Variants in LTA4H observed in about 807,000 individuals in gnomAD.
The protein encoded by LTA4H is leukotriene A-4 hydrolase.
A neutral mutation model predicts 89.8 loss-of-function variants in LTA4H; 59 were observed. That is an observed-to-expected ratio of 0.66 (90% CI 0.53 to 0.82). The LOEUF (loss-of-function observed/expected upper bound fraction) is 0.82, where lower values mean the gene tolerates loss of function less well. Among genes scored for constraint, LTA4H ranks in the 40% least tolerant of loss-of-function variants. The pLI is 0.00. For synonymous variants in LTA4H, 227 were observed against 253.1 expected, an observed-to-expected ratio of 0.90 and a Z score of 0.98; for missense variants, 617 against 727.0, an observed-to-expected ratio of 0.85 and a Z score of 1.74.
intron 1 of LTA4H, among the ~76,000 whole-genome samples, chr12:96,034,928 G>C (rs1005705942): frequency 2.6e-5 from 4 of 152,248 alleles, no homozygotes; most frequent in African/African-American, 9.7e-5. Flanking sequence ...GCCTGAAGAA[G>C]GGGGTTCTGG....
chr12:96,021,697 A>T (rs1592889200), intron 5 of LTA4H, among the ~76,000 whole-genome samples: 2 of 145,104 alleles, frequency 1.4e-5, no homozygotes, highest in South Asian at 4.3e-4. Context: ...ACACACACAC[A>T]CACACTCACG....
At position 96,009,160 on chromosome 12, in the gene LTA4H, A is replaced by G. The variant is rs537589900; in HGVS notation, c.1380-12T>C. On this transcript the variant is annotated splice_polypyrimidine_tract_variant and intron_variant, in intron 14 of 18. Coordinates refer to ENST00000228740, the MANE Select transcript of LTA4H (RefSeq NM_000895.3). The stretch of plus-strand genomic sequence containing the variant: ...GAGTCATATCATAACTGCAAAGATA[A>G]AGATTACATTGTTTAAAAATGCACG... The G allele has an allele frequency of 6.3e-6, 10 of 1,585,530 alleles. No individual in the cohort carries two copies. In the South Asian group the frequency reaches 1.0e-4, roughly 16 times the overall value.
chr12:96,025,668 AC>A (rs1039995895), intron 3 of LTA4H, among the ~76,000 whole-genome samples: 1 of 152,004 alleles, frequency 6.6e-6, no homozygotes, highest in African/African-American at 2.4e-5. Context: ...TTACCTCTAC[AC>A]AAAAAAAATT....
At chr12:96,013,046 G>T in intron 14 of LTA4H, 142 bp downstream of exon 14, 3 of 602,932 alleles carry the variant, frequency 5.0e-6, no homozygotes, top group South Asian at 4.9e-5. Context: ...TGGCCTCAGG[G>T]TTAAGGCCAA....
At chr12:96,023,462 C>T (rs1164001308) in intron 4 of LTA4H, among the ~76,000 whole-genome samples, 1 of 151,960 alleles carries the variant, frequency 6.6e-6, no homozygotes, top group Non-Finnish European at 1.5e-5. Context: ...GTGATCTTCC[C>T]ACCTCAGCCT....
chr12:96,009,028 G>C, intron 15 of LTA4H, 66 bp downstream of exon 15: 1 of 1,193,570 alleles, frequency 8.4e-7, no homozygotes, highest in Non-Finnish European at 1.2e-6. Context: ...TACCCTCCCT[G>C]CTTCATGAGT....
chr12:96,035,218 G>T, intron 1 of LTA4H, 143 bp downstream of exon 1: 1 of 789,072 alleles, frequency 1.3e-6, no homozygotes, highest in Non-Finnish European at 2.0e-6. Flanking sequence ...GAGTTGGATG[G>T]AGGCTACAGA....
upstream of LTA4H, among the ~76,000 whole-genome samples, chr12:96,037,300 G>C (rs113033188): frequency 8.3e-3 from 1,265 of 152,222 alleles, 28 homozygotes; most frequent in Admixed American, 0.034. Context: ...TATGACAGTG[G>C]GTAAGCTCAA....
At chr12:96,018,503 G>C (rs968361268) in intron 8 of LTA4H, among the ~76,000 whole-genome samples, 1 of 152,020 alleles carries the variant, frequency 6.6e-6, no homozygotes, top group Non-Finnish European at 1.5e-5. Flanking sequence ...AGCTGAGATT[G>C]TGCCACTGCA....
rs770062828 is a variant in LTA4H at position 96,003,031 on chromosome 12, C to T, written c.1647G>A (p.Glu549=). ...TCTTTAGCGCCAAAGGAATTGCGTC[C>T]TCCCACTTGGATTGAATGCAGAGCC... ...WLRLCIQSKW[E]DAIPLALKMA... The change falls in exon 18 of 19, where the codon GAG becomes GAA. Residue 549 remains glutamate, a synonymous_variant. Coordinates refer to ENST00000228740, the MANE Select transcript of LTA4H (RefSeq NM_000895.3). The T allele has an allele frequency of 6.2e-7, 1 of 1,604,220 alleles. No homozygotes were observed. Among genetic ancestry groups the T allele is most frequent in the Non-Finnish European group, 8.5e-7 (1 of 1,174,820 alleles).
intron 3 of LTA4H, 68 bp downstream of exon 3, chr12:96,027,376 A>C: frequency 2.1e-6 from 3 of 1,437,166 alleles, no homozygotes; most frequent in Non-Finnish European, 2.8e-6. Flanking sequence ...ACCACTGTTC[A>C]TTTTGCTTCA....
chr12:96,015,787 G>A (rs1950365607), intron 10 of LTA4H, 93 bp from the exon 11 acceptor site: 1 of 854,826 alleles, frequency 1.2e-6, no homozygotes. Context: ...TTCTACAGAG[G>A]AAAGCAGTTG....
At chr12:96,037,693 T>C (rs2660891), upstream of LTA4H, among the ~76,000 whole-genome samples, 24,284 of 85,724 alleles carry the variant, frequency 0.28, 2,655 homozygotes, top group Non-Finnish European at 0.36. Flanking sequence ...TTGAGAAAGC[T>C]TTTTTTTTTT....
intron 16 of LTA4H, 158 bp from the exon 17 acceptor site, chr12:96,004,078 A>G: frequency 2.5e-6 from 1 of 406,380 alleles, no homozygotes; most frequent in Non-Finnish European, 4.4e-6. Context: ...ACACTAAGTA[A>G]ATTCTGTGCA....
At chr12:96,041,801 C>G (rs2136930729) in intron 1 of LTA4H, among the ~76,000 whole-genome samples, 1 of 152,010 alleles carries the variant, frequency 6.6e-6, no homozygotes, top group Middle Eastern at 3.4e-3. Flanking sequence ...GCCACCACGC[C>G]CAGCTAATTT....
intron 1 of LTA4H, among the ~76,000 whole-genome samples, chr12:96,031,173 T>G (rs1352989483): frequency 6.6e-6 from 1 of 152,218 alleles, no homozygotes; most frequent in Non-Finnish European, 1.5e-5. Context: ...CCTATAATAC[T>G]TACTGTACTG....
chr12:96,019,031 G>C (rs534464584), intron 7 of LTA4H, 128 bp from the exon 8 acceptor site: 1 of 1,177,336 alleles, frequency 8.5e-7, no homozygotes, highest in African/African-American at 1.5e-5. Context: ...ATGATAAAAA[G>C]AATGTAGCAA....
chr12:96,016,954 G>A, intron 10 of LTA4H, 90 bp downstream of exon 10: 2 of 856,004 alleles, frequency 2.3e-6, no homozygotes, highest in Non-Finnish European at 3.9e-6. Context: ...AAAAACAAGA[G>A]ATACACACAA....
At chr12:96,002,437 T>C (rs1330163188) in intron 18 of LTA4H, among the ~76,000 whole-genome samples, 1 of 152,164 alleles carries the variant, frequency 6.6e-6, no homozygotes, top group Non-Finnish European at 1.5e-5. Context: ...GATTTTTTTT[T>C]CCAGAATTTG....
Sources: gnomAD v4.1 joint callset for allele counts (sites outside exome capture counted in the v4.1 genomes callset) on GRCh38, gnomAD v4.1.1 for gene constraint, MANE v1.5 for transcripts, NCBI Gene and HGNC (gene_info 2026-07-23, HGNC 2026-07-21) for gene names.